Variants in NCS1 observed in about 807,000 individuals in gnomAD.
The protein encoded by NCS1 is frequenin homolog.
In NCS1, 6 loss-of-function variants were observed where a neutral mutation model predicts 28.4. The observed-to-expected ratio is 0.21, with a 90% CI of 0.12 to 0.42. The LOEUF is 0.42. Among genes scored for constraint, NCS1 ranks in the 10% least tolerant of loss-of-function variants. The pLI, the probability that NCS1 is intolerant of heterozygous loss-of-function variation, is 1.00. For missense variants in NCS1, 131 were observed against 241.4 expected (o/e 0.54, Z 3.03); for synonymous variants, 86 against 99.3 (o/e 0.87, Z 0.79).
intron 7 of NCS1, among the ~76,000 whole-genome samples, chr9:130,230,361 C>T (rs1412509526): frequency 6.6e-6 from 1 of 151,762 alleles, no homozygotes; most frequent in Non-Finnish European, 1.5e-5. Context: ...AAAAACAAAA[C>T]AAAACAAATT....
chr9:130,201,095 C>A, intron 2 of NCS1, 113 bp downstream of exon 2: 1 of 1,424,154 alleles, frequency 7.0e-7, no homozygotes, highest in Non-Finnish European at 9.9e-7. Context: ...TGTGGAGGGG[C>A]CCCTGAGCGT....
chr9:130,223,041 C>T (rs782161524), intron 5 of NCS1, 41 bp from the exon 6 acceptor site: 2 of 1,571,608 alleles, frequency 1.3e-6, no homozygotes, highest in Admixed American at 3.3e-5. Context: ...GCCCAAAGCC[C>T]AGAGTGCCAG....
At chr9:130,185,636 G>A (rs1041016976) in intron 1 of NCS1, among the ~76,000 whole-genome samples, 6 of 152,266 alleles carry the variant, frequency 3.9e-5, no homozygotes, top group Admixed American at 3.3e-4. Context: ...GGAACCGAAA[G>A]ATTCCTGTTC....
chr9:130,222,518 A>T, intron 4 of NCS1, 132 bp from the exon 5 acceptor site: 1 of 725,488 alleles, frequency 1.4e-6, no homozygotes. Flanking sequence ...TGATGTAAAT[A>T]TTAGTTGACC....
At position 130,226,140 on chromosome 9, in the gene NCS1, G is replaced by A. The variant is rs1833411473; in HGVS notation, c.475-249G>A. On this transcript the variant is annotated intron_variant, in intron 6 of 7. Coordinates refer to ENST00000372398, the MANE Select transcript of NCS1 (RefSeq NM_014286.4). This position sits in a 1 kb window ranked among gnomAD's most constrained non-coding sequence, Gnocchi z 4.8. Reference sequence around the variant, plus strand: ...CACAGAGCTGTCACCCGAGTGCCTGGAGGAAGCCAGGTAATTACCCTCCAT... The same window carrying A: ...CACAGAGCTGTCACCCGAGTGCCTGAAGGAAGCCAGGTAATTACCCTCCAT... 6.6e-6 allele frequency among the ~76,000 whole-genome samples: 1 copy of A among 152,224 alleles called. No individual in the cohort carries two copies. The highest frequency in any genetic ancestry group is 2.4e-5 in the African/African-American group (1 of 41,460).
intron 2 of NCS1, among the ~76,000 whole-genome samples, chr9:130,212,257 T>C (rs1419694770): frequency 2.6e-5 from 4 of 152,016 alleles, no homozygotes; most frequent in Non-Finnish European, 5.9e-5. Flanking sequence ...CCTGAGCTTG[T>C]GGGGGTCCCC....
intron 1 of NCS1, among the ~76,000 whole-genome samples, chr9:130,185,781 T>C (rs1232724751): frequency 6.6e-6 from 1 of 152,246 alleles, no homozygotes; most frequent in African/African-American, 2.4e-5. Flanking sequence ...GCCGGGTTCT[T>C]GCCCCTCGGC....
In NCS1 at chr9:130,233,121, C is replaced by G. The variant is rs1057364941; in HGVS notation, c.*149C>G. 5 of 152,932 alleles carry G rather than the reference C, an allele frequency of 3.3e-5. No homozygotes were observed. The highest frequency in any genetic ancestry group is 1.2e-4 in the African/African-American group (5 of 41,396). The allele number at this position is 152,932 out of a possible 1,614,324, so 9.5% of individuals were successfully genotyped here. On this transcript the variant is annotated 3_prime_UTR_variant, in exon 8 of 8. Coordinates refer to ENST00000372398, the MANE Select transcript of NCS1 (RefSeq NM_014286.4). This position sits in a 1 kb window ranked among gnomAD's most constrained non-coding sequence, Gnocchi z 4.8. ...GCCCTTGACCCGGGAGGCCCCGGCT[C>G]TCCTCTCCCCTGTCCTGCACCCATC...
rs184200678 is a variant in NCS1, at chr9:130,225,084, C to T, written c.475-1305C>T. On this transcript the variant is annotated intron_variant, in intron 6 of 7. Coordinates refer to ENST00000372398, the MANE Select transcript of NCS1 (RefSeq NM_014286.4). ...GTGTGCACCTGTGGTCCCAGCTACT[C>T]GGGAGGCTGAAGTGGGAGGATGGCT... Among the ~76,000 whole-genome samples the T allele has an allele frequency of 4.1e-4, 62 of 152,238 alleles. No individual in the cohort carries two copies. In the East Asian group the frequency reaches 0.011, roughly 27 times the overall value.
intron 3 of NCS1, among the ~76,000 whole-genome samples, chr9:130,218,230 C>T (rs1465545474): frequency 6.6e-6 from 1 of 152,246 alleles, no homozygotes; most frequent in Non-Finnish European, 1.5e-5. Context: ...TACTGACATG[C>T]ACATCCAAGC....
chr9:130,216,759 C>T (rs1833195921), intron 2 of NCS1, among the ~76,000 whole-genome samples: 1 of 151,778 alleles, frequency 6.6e-6, no homozygotes, highest in African/African-American at 2.4e-5. Context: ...TTCTCAGGGC[C>T]ATTAGGGGCA....
Position 130,233,086 on chromosome 9 carries a change from A to G in NCS1, c.*114A>G. On this transcript the variant is annotated 3_prime_UTR_variant, in exon 8 of 8. Coordinates refer to ENST00000372398, the MANE Select transcript of NCS1 (RefSeq NM_014286.4). The surrounding 1 kb of genome is among the most constrained non-coding windows in gnomAD (Gnocchi z 4.8). ...ACCCAGCCTTCTTCCGCATCCACAC[A>G]CAGCCGGCTGCCCTTGACCCGGGAG... is the stretch of plus-strand genomic sequence containing the variant. 6.5e-6 allele frequency: 1 copy of G among 153,322 alleles called. No homozygotes were observed. Among genetic ancestry groups the G allele is most frequent in the Non-Finnish European group, 1.5e-5 (1 of 68,728 alleles). 9.5% of individuals were successfully genotyped at this position (153,322 alleles called of 1,614,324 possible). A position where few individuals can be genotyped will look rare whatever the true frequency, so the allele number is the denominator to read the frequency against.
At chr9:130,189,879 A>AAAAAATATATAT (rs1554906056) in intron 1 of NCS1, among the ~76,000 whole-genome samples, 1 of 37,750 alleles carries the variant, frequency 2.6e-5, no homozygotes, top group African/African-American at 1.2e-4. Context: ...AAAAAAAAAA[A>AAAAAATATATAT]ATATATATAT....
chr9:130,223,532 A>G (rs139097908), intron 6 of NCS1, among the ~76,000 whole-genome samples: 1 of 152,216 alleles, frequency 6.6e-6, no homozygotes, highest in Non-Finnish European at 1.5e-5. Flanking sequence ...AGTATTTTAA[A>G]AAAAGAATCT....
chr9:130,172,726 C>T lies in NCS1; in HGVS notation c.63C>T (p.Tyr21=), dbSNP rs1832499579. The T allele has an allele frequency of 6.6e-7, 1 of 1,507,298 alleles. No individual in the cohort carries two copies. Among genetic ancestry groups the T allele is most frequent in the Non-Finnish European group, 8.9e-7 (1 of 1,122,096 alleles). 93.4% of individuals were successfully genotyped at this position (1,507,298 alleles called of 1,614,324 possible). A position where few individuals can be genotyped will look rare whatever the true frequency, so the allele number is the denominator to read the frequency against. The change falls in exon 1 of 8, where the codon TAC becomes TAT. Residue 21 remains tyrosine (Y), a splice_region_variant and synonymous_variant. Coordinates refer to ENST00000372398, the MANE Select transcript of NCS1 (RefSeq NM_014286.4). ...TGGAGGAGCTGACCAGGAAGACCTACTGTGAGTGCTCCCAGCCCCCAGCCC... is the reference window on the plus strand; with the variant it reads ...TGGAGGAGCTGACCAGGAAGACCTATTGTGAGTGCTCCCAGCCCCCAGCCC... ...EVVEELTRKT[Y]FTEKEVQQWY...
chr9:130,231,374 GT>G (rs1292195258), intron 7 of NCS1, among the ~76,000 whole-genome samples: 1 of 146,472 alleles, frequency 6.8e-6, no homozygotes, highest in Admixed American at 6.9e-5. Flanking sequence ...CTTTAATTTT[GT>G]TTATTTTTTA....
rs1832546128 is a variant in NCS1, at chr9:130,175,075, A to G, written c.64+2348A>G. On this transcript the variant is annotated intron_variant, in intron 1 of 7. Coordinates refer to ENST00000372398, the MANE Select transcript of NCS1 (RefSeq NM_014286.4). The surrounding 1 kb of genome is among the most constrained non-coding windows in gnomAD (Gnocchi z 4.9). ...CTTTTCCTCTGTCGAAGCCCTTATT[A>G]GGGGTGGGCCGTTGGAGGTGGCGGT... 6.6e-6 allele frequency among the ~76,000 whole-genome samples: 1 copy of G among 152,078 alleles called. No individual in the cohort carries two copies. Among genetic ancestry groups the G allele is most frequent in the African/African-American group, 2.4e-5 (1 of 41,408 alleles).
At position 130,230,047 on chromosome 9, in the gene NCS1, G is replaced by T. The variant is rs563334385; in HGVS notation, c.*18-2943G>T. ...CAGGTTGTTGGGAATTTGGGGAAGG[G>T]ATTAAAAAGTTATCTATTATGGGCC... On this transcript the variant is annotated intron_variant, in intron 7 of 7. Transcript: ENST00000372398. 1.3e-4 allele frequency among the ~76,000 whole-genome samples: 20 copies of T among 152,132 alleles called. No individual in the cohort carries two copies. In the South Asian group the frequency reaches 3.3e-3, roughly 25 times the overall value.
In NCS1 at chr9:130,184,307, G is replaced by GACCC. The variant is rs143974180; in HGVS notation, c.64+11583_64+11586dup. On this transcript the variant is annotated intron_variant, in intron 1 of 7. Coordinates refer to ENST00000372398, the MANE Select transcript of NCS1 (RefSeq NM_014286.4). ...TCTGGTGTCCGGGGCTCCTCTCAGGGACCCACAGGCCTGGATTCAAATCCC... is the reference window on the plus strand; with the variant it reads ...TCTGGTGTCCGGGGCTCCTCTCAGGGACCCACCCACAGGCCTGGATTCAAATCCC... Among the ~76,000 whole-genome samples the GACCC allele has an allele frequency of 6.7e-3, 1,025 of 152,194 alleles. 20 individuals are homozygous for GACCC. The highest frequency in any genetic ancestry group is 0.024 in the African/African-American group (988 of 41,502).
Sources: gnomAD v4.1 joint callset for allele counts (sites outside exome capture counted in the v4.1 genomes callset) on GRCh38, gnomAD v4.1.1 for gene constraint, Gnocchi (gnomAD v3.1) non-coding constraint, MANE v1.5 for transcripts, NCBI Gene and HGNC (gene_info 2026-07-23, HGNC 2026-07-21) for gene names.